RUFY3: variants seen among roughly 807,000 people sequenced by gnomAD.
RUFY3 encodes protein RUFY3.
Under a neutral mutation model 84.0 loss-of-function variants are expected in RUFY3, and 34 were observed. That is an observed-to-expected ratio of 0.40 (90% CI 0.31 to 0.54). The LOEUF (loss-of-function observed/expected upper bound fraction) is 0.54, where lower values mean the gene tolerates loss of function less well. Ranked by LOEUF, RUFY3 falls within the 20% of genes least tolerant of loss-of-function variation. The pLI is 0.39. For missense variants in RUFY3, 507 were observed against 736.8 expected, an observed-to-expected ratio of 0.69 and a Z score of 3.61; for synonymous variants, 242 against 252.9, an observed-to-expected ratio of 0.96 and a Z score of 0.41.
intron 1 of RUFY3, among the ~76,000 whole-genome samples, chr4:70,726,500 A>G (rs946306242): frequency 2.6e-5 from 4 of 152,226 alleles, no homozygotes; most frequent in Admixed American, 6.5e-5. Context: ...AGACTCCCCA[A>G]GTAGCTGGGA....
At chr4:70,726,452 T>C (rs1331469877) in intron 1 of RUFY3, among the ~76,000 whole-genome samples, 1 of 152,250 alleles carries the variant, frequency 6.6e-6, no homozygotes, top group South Asian at 2.1e-4. Context: ...AACCTCCACC[T>C]CCCAGGTTCA....
At position 70,736,490 on chromosome 4, in the gene RUFY3, A is replaced by G. The variant is rs116800775; in HGVS notation, c.178+13739A>G. ...TGTGACCTGCCTTTTTTCCTCTGCA[A>G]TATTTTTCCATATGGGTAAATTGAA... is the stretch of plus-strand genomic sequence containing the variant. On this transcript the variant is annotated intron_variant, in intron 1 of 17. Transcript: ENST00000381006. Among the ~76,000 whole-genome samples, 1,424 of 152,196 alleles carry G rather than the reference A, an allele frequency of 9.4e-3. 25 individuals are homozygous for G. Among genetic ancestry groups the G allele is most frequent in the South Asian group, 0.057 (273 of 4,826 alleles).
chr4:70,749,840 A>G (rs1722847203), intron 1 of RUFY3, among the ~76,000 whole-genome samples: 1 of 151,622 alleles, frequency 6.6e-6, no homozygotes. Flanking sequence ...TTTTATGGAG[A>G]GGGGGTCTCA....
chr4:70,704,639 C>T (rs1560424529), upstream of RUFY3: 1 of 233,294 alleles, frequency 4.3e-6, no homozygotes, highest in Non-Finnish European at 8.2e-6. Context: ...GAGGACGCTG[C>T]CCCCTAGGGG....
At chr4:70,792,636 G>C in intron 12 of RUFY3, 1 of 985,246 alleles carries the variant, frequency 1.0e-6, no homozygotes, top group African/African-American at 1.7e-5. Context: ...CAGCATTTCA[G>C]CTGCTTTGGT....
chr4:70,786,720 C>A (rs73824899), intron 10 of RUFY3, among the ~76,000 whole-genome samples: 4,082 of 151,938 alleles, frequency 0.027, 76 homozygotes, highest in Middle Eastern at 0.048. Context: ...GGATACTATT[C>A]CTGTACTAGA....
intron 16 of RUFY3, 80 bp downstream of exon 16, chr4:70,803,063 G>A: frequency 1.9e-6 from 2 of 1,041,368 alleles, no homozygotes; most frequent in Admixed American, 4.0e-5. Context: ...AAATAAGGTA[G>A]CATGGGCGGA....
intron 1 of RUFY3, among the ~76,000 whole-genome samples, chr4:70,745,295 T>C (rs564144875): frequency 2.4e-4 from 36 of 152,324 alleles, no homozygotes; most frequent in African/African-American, 8.2e-4. Context: ...TGTTTGTAAC[T>C]TATATCTACT....
In RUFY3 at chr4:70,793,910, G is replaced by A; in HGVS notation, c.1457+6G>A. 1 of 1,613,772 alleles carries A rather than the reference G, an allele frequency of 6.2e-7. No individual in the cohort carries two copies. The highest frequency in any genetic ancestry group is 1.1e-5 in the South Asian group (1 of 91,054). ...GAGGAGCTCACCAGGCAGCGGTGAA[G>A]AGGGGGTAGCTTGAGCTGACAGGGT... On this transcript the variant is annotated splice_donor_region_variant and intron_variant, in intron 13 of 17. Transcript: ENST00000381006.
chr4:70,718,672 A>G (rs1458473715), upstream of RUFY3, among the ~76,000 whole-genome samples: 1 of 152,252 alleles, frequency 6.6e-6, no homozygotes, highest in Admixed American at 6.5e-5. Flanking sequence ...TTCAAAGCTA[A>G]GATGTTTACT....
Position 70,721,983 on chromosome 4 carries a change from T to G in RUFY3, c.-591T>G. 8.1e-7 allele frequency: 1 copy of G among 1,232,220 alleles called. No homozygotes were observed. The highest frequency in any genetic ancestry group is 1.0e-6 in the Non-Finnish European group (1 of 987,990). The allele number at this position is 1,232,220 out of a possible 1,614,324, so 76.3% of individuals were successfully genotyped here. On this transcript the variant is annotated 5_prime_UTR_variant, in exon 1 of 18. Coordinates refer to ENST00000381006, the MANE Select transcript of RUFY3 (RefSeq NM_001037442.4). ...CAGTTCAGTTCATTAGTCAGCCATT[T>G]TGGTCAACACCCTGCTTACTGCGCA...
intron 1 of RUFY3, among the ~76,000 whole-genome samples, chr4:70,731,615 T>A (rs1719287584): frequency 6.6e-6 from 1 of 152,170 alleles, no homozygotes; most frequent in South Asian, 2.1e-4. Context: ...TTGCCCAGTC[T>A]GGAGTGCAGT....
At chr4:70,786,135 G>A (rs1441714653) in intron 10 of RUFY3, among the ~76,000 whole-genome samples, 1 of 152,206 alleles carries the variant, frequency 6.6e-6, no homozygotes, top group Non-Finnish European at 1.5e-5. Flanking sequence ...TATGTGAAGT[G>A]TAGTAAGCCA....
At chr4:70,780,106 G>T (rs976155316) in intron 8 of RUFY3, among the ~76,000 whole-genome samples, 5 of 151,882 alleles carry the variant, frequency 3.3e-5, no homozygotes, top group Non-Finnish European at 5.9e-5. Flanking sequence ...TATGCTTAGG[G>T]TCCTTAGAAT....
chr4:70,793,882 G>C lies in RUFY3; in HGVS notation c.1435G>C (p.Val479Leu). 1 of 1,614,050 alleles carries C rather than the reference G, an allele frequency of 6.2e-7. No individual in the cohort carries two copies. The highest frequency in any genetic ancestry group is 8.5e-7 in the Non-Finnish European group (1 of 1,179,996). Residue 479 changes from valine to leucine, a missense_variant, in exon 13 of 18, where the codon GTC becomes CTC. Physicochemically the swap from Val to Leu is conservative, Grantham distance 32. This residue lies in a region of RUFY3 where 334 missense variants were observed against 364.1 expected (regional missense o/e 0.92). Transcript: ENST00000381006. ...GDKINSLQLE[V>L]EELTRQRNQL... Reference sequence around the variant, plus strand: ...CAAGATCAACAGTCTGCAGCTGGAAGTCGAGGAGCTCACCAGGCAGCGGTG... The same window carrying C: ...CAAGATCAACAGTCTGCAGCTGGAACTCGAGGAGCTCACCAGGCAGCGGTG...
chr4:70,704,964 G>A (rs1577858507), exon 1 of RUFY3: 9 of 1,227,778 alleles, frequency 7.3e-6, no homozygotes, highest in African/African-American at 1.6e-5. Context: ...GCCGCCCACC[G>A]CTGGTGCCGA....
intron 2 of RUFY3, 120 bp downstream of exon 2, chr4:70,762,812 C>A: frequency 1.2e-6 from 1 of 836,376 alleles, no homozygotes; most frequent in Non-Finnish European, 1.8e-6. Context: ...AATATTAATC[C>A]ATTGGAATGC....
chr4:70,783,641 C>A (rs1171093542), intron 9 of RUFY3, among the ~76,000 whole-genome samples: 2 of 152,022 alleles, frequency 1.3e-5, no homozygotes, highest in African/African-American at 2.4e-5. Context: ...TTTTGTAAAC[C>A]TTTATGTTTT....
chr4:70,781,300 A>G (rs147349958), intron 8 of RUFY3, among the ~76,000 whole-genome samples: 1 of 152,194 alleles, frequency 6.6e-6, no homozygotes, highest in East Asian at 1.9e-4. Context: ...GCTGGGAAAC[A>G]TAGTGAGACC....
Sources: allele counts gnomAD v4.1 joint callset (sites outside exome capture counted in the v4.1 genomes callset), GRCh38; gene constraint gnomAD v4.1.1; regional missense constraint gnomAD v4.1.1; transcripts MANE v1.5; gene names NCBI Gene and HGNC (gene_info 2026-07-23, HGNC 2026-07-21).